TENM4: variants seen among roughly 807,000 people sequenced by gnomAD.
The protein encoded by TENM4 is teneurin transmembrane protein 4.
Under a neutral mutation model 243.3 loss-of-function variants are expected in TENM4, and 82 were observed. The ratio of observed to expected loss-of-function variants is 0.34; its 90% confidence interval spans 0.28 to 0.40. TENM4 has a LOEUF of 0.40. Ranked by LOEUF, TENM4 falls within the 10% of genes least tolerant of loss-of-function variation. The pLI is 1.00. For synonymous variants in TENM4, 1,412 were observed against 1,456.3 expected, an observed-to-expected ratio of 0.97 and a Z score of 0.69; for missense variants, 3,138 against 3,673.3, an observed-to-expected ratio of 0.85 and a Z score of 3.77.
intron 3 of TENM4, among the ~76,000 whole-genome samples, chr11:79,184,161 T>A (rs1342749186): frequency 6.6e-6 from 1 of 152,202 alleles, no homozygotes; most frequent in African/African-American, 2.4e-5. Flanking sequence ...GTAATATTAT[T>A]CGGCCTTATA....
chr11:78,684,411 A>G (rs747113656), intron 29 of TENM4, among the ~76,000 whole-genome samples: 1 of 152,236 alleles, frequency 6.6e-6, no homozygotes, highest in Non-Finnish European at 1.5e-5. Context: ...CTTGGCATAT[A>G]GTGTTATGTA....
intron 19 of TENM4, among the ~76,000 whole-genome samples, chr11:78,754,174 T>C (rs1258937104): frequency 6.6e-6 from 1 of 152,226 alleles, no homozygotes; most frequent in Admixed American, 6.5e-5. Flanking sequence ...TGCACTCTAT[T>C]AAGCTGCTTG....
Position 78,658,323 on chromosome 11 carries a change from G to A in TENM4, c.8045C>T (p.Thr2682Met), listed in dbSNP as rs1265157165. The change falls in exon 34 of 34, where the codon ACG (threonine) becomes ATG (methionine). Residue 2682 changes from threonine (T) to methionine (M), a missense_variant. Coordinates refer to ENST00000278550, the MANE Select transcript of TENM4 (RefSeq NM_001098816.3). ...ALCLNTRYGTTLDEEKARVLE... is the reference protein window; with the variant it reads ...ALCLNTRYGTMLDEEKARVLE... The stretch of plus-strand genomic sequence containing the variant: ...GACCCGTGCCTTCTCCTCATCCAAC[G>A]TTGTCCCGTAGCGTGTGTTCAAGCA... 1.9e-6 allele frequency: 3 copies of A among 1,613,416 alleles called. No individual in the cohort carries two copies. Among genetic ancestry groups the A allele is most frequent in the Non-Finnish European group, 2.5e-6 (3 of 1,179,552 alleles).
At chr11:79,382,382 G>T (rs759634891) in intron 1 of TENM4, among the ~76,000 whole-genome samples, 1 of 152,130 alleles carries the variant, frequency 6.6e-6, no homozygotes, top group Non-Finnish European at 1.5e-5. Context: ...CCTTGTGCAG[G>T]CTTCGCTTTC....
intron 1 of TENM4, among the ~76,000 whole-genome samples, chr11:79,345,792 A>G (rs1434028509): frequency 1.3e-5 from 2 of 152,180 alleles, no homozygotes; most frequent in African/African-American, 4.8e-5. Context: ...GATAATTTCA[A>G]TTATCTGGCC....
intron 6 of TENM4, among the ~76,000 whole-genome samples, chr11:78,939,823 G>C (rs1856852724): frequency 6.6e-6 from 1 of 152,134 alleles, no homozygotes. Context: ...TTTTAAACAA[G>C]TTAGGCTATG....
chr11:78,803,568 G>T (rs2136081037), intron 15 of TENM4, among the ~76,000 whole-genome samples: 1 of 152,312 alleles, frequency 6.6e-6, no homozygotes. Flanking sequence ...TTTGACACCA[G>T]TTACGGGGAG....
chr11:79,291,008 C>T (rs1476756376), intron 2 of TENM4, among the ~76,000 whole-genome samples: 1 of 152,122 alleles, frequency 6.6e-6, no homozygotes, highest in East Asian at 1.9e-4. Context: ...AGAGACATGC[C>T]AGGGGCTGGG....
chr11:78,684,713 A>G (rs549062974), intron 29 of TENM4, among the ~76,000 whole-genome samples: 3 of 152,206 alleles, frequency 2.0e-5, no homozygotes, highest in Non-Finnish European at 2.9e-5. Flanking sequence ...CTAACCTCCG[A>G]GTGCTTCTCA....
At chr11:78,718,582 C>T (rs1240140994) in intron 25 of TENM4, among the ~76,000 whole-genome samples, 3 of 152,154 alleles carry the variant, frequency 2.0e-5, no homozygotes, top group African/African-American at 4.8e-5. Flanking sequence ...CCTTTGCAGC[C>T]GCCACCACTA....
intron 6 of TENM4, among the ~76,000 whole-genome samples, chr11:78,933,815 T>C (rs557052511): frequency 1.8e-4 from 27 of 152,252 alleles, no homozygotes; most frequent in African/African-American, 6.5e-4. Context: ...AAAGAACATA[T>C]GTTGCTCCTG....
In TENM4 at chr11:78,656,998, G is replaced by A. The variant is rs542191148; in HGVS notation, c.*1060C>T. 2.8e-4 allele frequency: 112 copies of A among 398,564 alleles called. No homozygotes were observed. Among genetic ancestry groups the A allele is most frequent in the Admixed American group, 4.4e-4 (10 of 22,740 alleles). 24.7% of individuals were successfully genotyped at this position (398,564 alleles called of 1,614,324 possible). A position where few individuals can be genotyped will look rare whatever the true frequency, so the allele number is the denominator to read the frequency against. On this transcript the variant is annotated 3_prime_UTR_variant, in exon 34 of 34. Coordinates refer to ENST00000278550, the MANE Select transcript of TENM4 (RefSeq NM_001098816.3). ...CACATTCCTACGTCTCAGTGGTGGC[G>A]GCTGAGTGGTGGAGGGAAGATACTC...
intron 9 of TENM4, among the ~76,000 whole-genome samples, chr11:78,879,976 T>C (rs1334429047): frequency 6.6e-6 from 1 of 150,740 alleles, no homozygotes; most frequent in Non-Finnish European, 1.5e-5. Context: ...CCATCGAGAA[T>C]GGGCCATGAT....
chr11:79,021,626 A>C (rs1032646944), intron 6 of TENM4: 33 of 152,388 alleles, frequency 2.2e-4, no homozygotes, highest in African/African-American at 7.7e-4. Flanking sequence ...TTTAGAGGCC[A>C]GAAAGAGCTT....
Position 79,319,089 on chromosome 11 carries a change from T to C in TENM4, c.-320-21546A>G, listed in dbSNP as rs74822378. Among the ~76,000 whole-genome samples, 47 of 152,268 alleles carry C rather than the reference T, an allele frequency of 3.1e-4. No homozygotes were observed. The East Asian group carries it at 9.1e-3, about 29-fold the overall frequency. On this transcript the variant is annotated intron_variant, in intron 1 of 33. Transcript: ENST00000278550. Reference sequence around the variant, plus strand: ...CTTGATGAAGGCCCCATAAGGCAGATTGGAACTAACAGCAACCCCATTTTA... The same window carrying C: ...CTTGATGAAGGCCCCATAAGGCAGACTGGAACTAACAGCAACCCCATTTTA...
At chr11:79,086,470 T>C (rs1374194560) in intron 4 of TENM4, among the ~76,000 whole-genome samples, 2 of 152,210 alleles carry the variant, frequency 1.3e-5, no homozygotes, top group Admixed American at 6.5e-5. Context: ...CTGGCTGACA[T>C]AGGTATTTTT....
In TENM4 at chr11:78,701,508, C is replaced by A. The variant is rs1460001564; in HGVS notation, c.5087+18G>T. The stretch of plus-strand genomic sequence containing the variant: ...TTAATGAAACAAAATCATCAAATGG[C>A]CTTGTTTTAGTACTTACTCATAAAA... On this transcript the variant is annotated intron_variant, in intron 28 of 33. Transcript: ENST00000278550. 1.9e-6 allele frequency: 3 copies of A among 1,544,324 alleles called. No homozygotes were observed. Among genetic ancestry groups the A allele is most frequent in the East Asian group, 2.3e-5 (1 of 43,894 alleles).
intron 3 of TENM4, among the ~76,000 whole-genome samples, chr11:79,184,037 G>A (rs547628671): frequency 7.2e-5 from 11 of 152,240 alleles, no homozygotes; most frequent in Middle Eastern, 3.4e-3. Flanking sequence ...GCAGGGACTT[G>A]AACAGATGTT....
At chr11:78,670,727 CA>C (rs934993551) in intron 31 of TENM4, among the ~76,000 whole-genome samples, 176 bp from the exon 32 acceptor site, 2 of 152,188 alleles carry the variant, frequency 1.3e-5, no homozygotes, top group Middle Eastern at 3.2e-3. Flanking sequence ...CGGGATACTG[CA>C]AATAGGTTAC....
Sources: allele counts gnomAD v4.1 joint callset (sites outside exome capture counted in the v4.1 genomes callset), GRCh38; gene constraint gnomAD v4.1.1; transcripts MANE v1.5; gene names NCBI Gene and HGNC (gene_info 2026-07-23, HGNC 2026-07-21).